ADCY8: variants seen among roughly 807,000 people sequenced by gnomAD.
ADCY8 encodes adenylate cyclase 8, also known as adenylate cyclase type 8.
A neutral mutation model predicts 119.7 loss-of-function variants in ADCY8; 51 were observed. That is an observed-to-expected ratio of 0.43 (90% CI 0.34 to 0.54). ADCY8 has a LOEUF of 0.54. Ranked by LOEUF, ADCY8 falls within the 20% of genes least tolerant of loss-of-function variation. The probability of loss-of-function intolerance (pLI) is 0.03; values close to 1 mark genes in which losing one functional copy is unlikely to be tolerated. For synonymous variants in ADCY8, 665 were observed against 651.0 expected (o/e 1.02, Z -0.33); for missense variants, 1,383 against 1,598.8 (o/e 0.87, Z 2.30).
chr8:130,884,778 T>C lies in ADCY8; in HGVS notation c.1912-17A>G, dbSNP rs767717652. On this transcript the variant is annotated splice_polypyrimidine_tract_variant and intron_variant, in intron 7 of 17. Coordinates refer to ENST00000286355, the MANE Select transcript of ADCY8 (RefSeq NM_001115.3). The stretch of plus-strand genomic sequence containing the variant: ...AGCCAGAGTCTAGGGGGAAAGCACA[T>C]GCAAACACAATAAACCTGCTAGTCC... 1 of 1,612,534 alleles carries C rather than the reference T, an allele frequency of 6.2e-7. No homozygotes were observed. The highest frequency in any genetic ancestry group is 2.2e-5 in the East Asian group (1 of 44,860).
At chr8:131,027,564 GAC>G (rs1284273152) in intron 1 of ADCY8, among the ~76,000 whole-genome samples, 1 of 152,184 alleles carries the variant, frequency 6.6e-6, no homozygotes, top group Non-Finnish European at 1.5e-5. Flanking sequence ...GCTGTGGACA[GAC>G]CCCAGCAATG....
At chr8:130,824,631 A>C (rs978625187) in intron 12 of ADCY8, among the ~76,000 whole-genome samples, 2 of 152,228 alleles carry the variant, frequency 1.3e-5, no homozygotes, top group Non-Finnish European at 2.9e-5. Context: ...GTGATGTTGG[A>C]CAAATGTTAT....
At chr8:130,924,412 C>T (rs1820401586) in intron 5 of ADCY8, among the ~76,000 whole-genome samples, 1 of 152,058 alleles carries the variant, frequency 6.6e-6, no homozygotes, top group Non-Finnish European at 1.5e-5. Context: ...GGACTGACGC[C>T]CTTTGCTTTG....
At chr8:130,958,211 C>T (rs926334275) in intron 2 of ADCY8, among the ~76,000 whole-genome samples, 1 of 152,176 alleles carries the variant, frequency 6.6e-6, no homozygotes, top group Non-Finnish European at 1.5e-5. Context: ...GTGAATAAAT[C>T]TATTTGTTCA....
At chr8:131,019,545 G>T (rs1233068089) in intron 1 of ADCY8, among the ~76,000 whole-genome samples, 1 of 152,182 alleles carries the variant, frequency 6.6e-6, no homozygotes, top group Admixed American at 6.5e-5. Flanking sequence ...CCAGAAGTCT[G>T]GTAGAAGCAC....
At chr8:131,017,696 G>A (rs549178972) in intron 1 of ADCY8, among the ~76,000 whole-genome samples, 63 of 152,194 alleles carry the variant, frequency 4.1e-4, no homozygotes, top group African/African-American at 1.5e-3. Flanking sequence ...CACCTGCAAG[G>A]GGCCGACGAT....
chr8:130,845,673 C>A (rs1817274237), intron 11 of ADCY8, among the ~76,000 whole-genome samples: 1 of 152,134 alleles, frequency 6.6e-6, no homozygotes, highest in South Asian at 2.1e-4. Context: ...AGAAGGGAGT[C>A]CCAGGGCACA....
chr8:130,955,098 C>T, intron 2 of ADCY8, among the ~76,000 whole-genome samples: 1 of 152,026 alleles, frequency 6.6e-6, no homozygotes, highest in East Asian at 1.9e-4. Context: ...GAGAGTAAGA[C>T]AGCCAAGATT....
intron 8 of ADCY8, among the ~76,000 whole-genome samples, chr8:130,880,981 A>G (rs771762967): frequency 1.3e-5 from 2 of 152,228 alleles, no homozygotes; most frequent in Non-Finnish European, 2.9e-5. Context: ...GCTAAGCTAC[A>G]TGAGTCATGA....
chr8:130,796,652 C>T lies in ADCY8; in HGVS notation c.3060+3774G>A, dbSNP rs868139532. Among the ~76,000 whole-genome samples the T allele has an allele frequency of 1.8e-4, 28 of 152,290 alleles. No individual in the cohort carries two copies. The Middle Eastern group carries it at 0.017, about 92-fold the overall frequency. On this transcript the variant is annotated intron_variant, in intron 15 of 17. Coordinates refer to ENST00000286355, the MANE Select transcript of ADCY8 (RefSeq NM_001115.3). ...CAGGTCTGAGTGACCCAAGGACCCA[C>T]ACACAGGCAAAACTGAGAGTGTTTG...
chr8:130,993,560 A>G (rs1374336388), intron 1 of ADCY8, among the ~76,000 whole-genome samples: 2 of 152,194 alleles, frequency 1.3e-5, no homozygotes, highest in African/African-American at 4.8e-5. Context: ...ATCCAGTGGG[A>G]TAAAATTAAA....
At chr8:130,997,419 G>A (rs1178996314) in intron 1 of ADCY8, among the ~76,000 whole-genome samples, 6 of 152,160 alleles carry the variant, frequency 3.9e-5, no homozygotes, top group Admixed American at 3.9e-4. Flanking sequence ...TCTACACTTA[G>A]ACAGGTGACC....
At chr8:130,906,444 A>C (rs920020472) in intron 6 of ADCY8, among the ~76,000 whole-genome samples, 2 of 152,208 alleles carry the variant, frequency 1.3e-5, no homozygotes, top group Non-Finnish European at 2.9e-5. Context: ...CAAGGGGACA[A>C]ATACTTCCAT....
At chr8:130,908,877 A>G (rs1819877230) in intron 6 of ADCY8, among the ~76,000 whole-genome samples, 1 of 152,198 alleles carries the variant, frequency 6.6e-6, no homozygotes, top group African/African-American at 2.4e-5. Context: ...CCATGATAAC[A>G]TATTACTTGA....
intron 7 of ADCY8, among the ~76,000 whole-genome samples, chr8:130,901,008 C>A (rs1177109579): frequency 6.6e-6 from 1 of 152,130 alleles, no homozygotes; most frequent in African/African-American, 2.4e-5. Flanking sequence ...CGACGCAGTT[C>A]CAAGCAAAAA....
intron 7 of ADCY8, among the ~76,000 whole-genome samples, chr8:130,887,203 G>A (rs535124562): frequency 5.3e-5 from 8 of 152,236 alleles, no homozygotes; most frequent in African/African-American, 1.2e-4. Flanking sequence ...GTATTCAGCC[G>A]TCCATTCAGA....
chr8:130,787,715 A>T lies in ADCY8; in HGVS notation c.3061-2240T>A, dbSNP rs115520327. On this transcript the variant is annotated intron_variant, in intron 15 of 17. Transcript: ENST00000286355. ...GTGTCCACATGCATGCATTTGTGTG[A>T]GTATGCATTTGCATGTGTGCATGTG... 3.3e-5 allele frequency among the ~76,000 whole-genome samples: 5 copies of T among 151,396 alleles called. No homozygotes were observed. In the South Asian group the frequency reaches 1.0e-3, roughly 32 times the overall value.
chr8:130,937,370 C>T (rs1263411321), intron 4 of ADCY8, among the ~76,000 whole-genome samples, 170 bp from the exon 5 acceptor site: 1 of 152,046 alleles, frequency 6.6e-6, no homozygotes, highest in Non-Finnish European at 1.5e-5. Flanking sequence ...GAGGTGTAAC[C>T]TAAATGGGGG....
intron 2 of ADCY8, among the ~76,000 whole-genome samples, chr8:130,976,316 G>C (rs11776982): frequency 0.25 from 37,894 of 152,170 alleles, 6,677 homozygotes; most frequent in African/African-American, 0.5. Context: ...TCATTGGCTT[G>C]ATGATAAGGG....
Sources: allele counts gnomAD v4.1 joint callset (sites outside exome capture counted in the v4.1 genomes callset), GRCh38; gene constraint gnomAD v4.1.1; transcripts MANE v1.5; gene names NCBI Gene and HGNC (gene_info 2026-07-23, HGNC 2026-07-21).